The following MAOB variants were observed in gnomAD, a reference collection of about 807,000 sequenced individuals.
The protein encoded by MAOB is monoamine oxidase B.
A neutral mutation model predicts 41.9 loss-of-function variants in MAOB; 15 were observed. That is an observed-to-expected ratio of 0.36 (90% CI 0.24 to 0.55). MAOB has a LOEUF of 0.55. Ranked by LOEUF, MAOB falls within the 20% of genes least tolerant of loss-of-function variation. MAOB has a pLI of 0.86. For missense variants in MAOB, 345 were observed against 398.7 expected (o/e 0.87, Z 1.15); for synonymous variants, 167 against 144.2 (o/e 1.16, Z -1.13).
intron 7 of MAOB, among the ~76,000 whole-genome samples, chrX:43,794,673 A>T (rs56847252): frequency 0.029 from 3,187 of 110,136 alleles, 141 homozygotes; most frequent in African/African-American, 0.099. Flanking sequence ...TACCTTTATA[A>T]GTTTTTATAA....
At chrX:43,830,837 G>A (rs946777653) in intron 3 of MAOB, among the ~76,000 whole-genome samples, 6 of 111,906 alleles carry the variant, frequency 5.4e-5, no homozygotes, top group Admixed American at 4.7e-4. Flanking sequence ...CAGCAGCCTC[G>A]TGACAATGAT....
chrX:43,852,890 C>T (rs1460667537), intron 1 of MAOB, among the ~76,000 whole-genome samples: 1 of 111,276 alleles, frequency 9.0e-6, no homozygotes, highest in East Asian at 2.8e-4. Context: ...TAGAAAAGAA[C>T]AAAGCCTAAC....
intron 12 of MAOB, among the ~76,000 whole-genome samples, chrX:43,772,338 A>C (rs963709347): frequency 1.8e-5 from 2 of 111,666 alleles, no homozygotes; most frequent in African/African-American, 6.5e-5. Context: ...TATCACCACC[A>C]ATGCCAGATA....
chrX:43,793,939 G>A (rs374431555), intron 7 of MAOB, among the ~76,000 whole-genome samples: 2 of 111,598 alleles, frequency 1.8e-5, no homozygotes, highest in Non-Finnish European at 3.8e-5. Flanking sequence ...GCAGTGGTGC[G>A]ATCTTGGCTC....
intron 1 of MAOB, among the ~76,000 whole-genome samples, chrX:43,849,490 C>G (rs2035234088): frequency 1.8e-5 from 2 of 112,655 alleles, no homozygotes; most frequent in South Asian, 7.3e-4. Context: ...GGCACACACT[C>G]CTGGCTAGTA....
chrX:43,782,726 G>A (rs1447738514), intron 8 of MAOB, among the ~76,000 whole-genome samples: 3 of 111,680 alleles, frequency 2.7e-5, no homozygotes, highest in Admixed American at 9.5e-5. Flanking sequence ...GATGAACATC[G>A]ATGCAAAAAT....
chrX:43,839,696 A>G (rs945998235), intron 2 of MAOB, among the ~76,000 whole-genome samples: 5 of 111,876 alleles, frequency 4.5e-5, no homozygotes, highest in East Asian at 5.6e-4. Context: ...CAAAAATGCA[A>G]TTTTCACAAG....
Position 43,767,368 on chromosome X carries a change from ACACTAT to A in MAOB, c.*92_*97del. ...ATCTTCATGCTCCCCGCCTCACTCC[ACACTAT>A]TTGTCTTCATGGAACTTTACTGCAA... On this transcript the variant is annotated 3_prime_UTR_variant, in exon 15 of 15. Transcript: ENST00000378069. 1.2e-6 allele frequency: 1 copy of A among 866,870 alleles called. No homozygotes were observed. Among genetic ancestry groups the A allele is most frequent in the Admixed American group, 3.1e-5 (1 of 32,550 alleles). The allele number at this position is 866,870 out of a possible 1,213,427, so 71.4% of individuals were successfully genotyped here. A position where few individuals can be genotyped will look rare whatever the true frequency, so the allele number is the denominator to read the frequency against.
Position 43,768,688 on chromosome X carries a change from T to C in MAOB, c.1376A>G (p.Glu459Gly). 5 of 1,209,813 alleles carry C rather than the reference T, an allele frequency of 4.1e-6. No homozygotes were observed. Among genetic ancestry groups the C allele is most frequent in the Non-Finnish European group, 5.6e-6 (5 of 893,733 alleles). Residue 459 changes from glutamate (E) to glycine (G), a missense_variant, in exon 14 of 15, where the codon GAG becomes GGG. Transcript: ENST00000378069. ...EILHAMGKIPEDEIWQSEPES... is the reference protein window; with the variant it reads ...EILHAMGKIPGDEIWQSEPES... Reference sequence around the variant, plus strand: ...TGGTTCTGACTGCCAGATTTCATCCTCTGGAATCTTCCCCATGGCATGCAG... The same window carrying C: ...TGGTTCTGACTGCCAGATTTCATCCCCTGGAATCTTCCCCATGGCATGCAG...
At chrX:43,829,272 TCTTTA>T (rs1303530791) in intron 3 of MAOB, among the ~76,000 whole-genome samples, 1 of 112,476 alleles carries the variant, frequency 8.9e-6, no homozygotes, top group East Asian at 2.8e-4. Flanking sequence ...TCTCTACAAC[TCTTTA>T]CTTGTTGGAC....
At chrX:43,831,898 T>C (rs2035023307) in intron 3 of MAOB, among the ~76,000 whole-genome samples, 1 of 111,992 alleles carries the variant, frequency 8.9e-6, no homozygotes, top group African/African-American at 3.2e-5. Flanking sequence ...TTTCTCACCT[T>C]CTCTACATTC....
chrX:43,806,782 C>T (rs959242785), intron 3 of MAOB, among the ~76,000 whole-genome samples: 9 of 112,029 alleles, frequency 8.0e-5, no homozygotes, highest in Non-Finnish European at 1.5e-4. Context: ...TTATTTATAA[C>T]AGTGGACATA....
intron 3 of MAOB, among the ~76,000 whole-genome samples, chrX:43,829,979 C>A (rs1362425094): frequency 9.0e-6 from 1 of 111,329 alleles, no homozygotes; most frequent in African/African-American, 3.3e-5. Flanking sequence ...AAGCTTAGTA[C>A]AAAAGAAGAA....
At chrX:43,867,017 C>T (rs184021394) in intron 1 of MAOB, among the ~76,000 whole-genome samples, 1 of 112,751 alleles carries the variant, frequency 8.9e-6, no homozygotes, top group East Asian at 2.8e-4. Flanking sequence ...TAGCCCCACC[C>T]GCACTGCTCA....
chrX:43,811,769 A>G (rs1265381198), intron 3 of MAOB, among the ~76,000 whole-genome samples: 1 of 111,569 alleles, frequency 9.0e-6, no homozygotes, highest in Non-Finnish European at 1.9e-5. Flanking sequence ...ACAGGCATGC[A>G]ATGTGTAATA....
At chrX:43,770,013 T>A (rs1321049419) in intron 12 of MAOB, among the ~76,000 whole-genome samples, 1 of 111,087 alleles carries the variant, frequency 9.0e-6, no homozygotes, top group East Asian at 2.8e-4. Context: ...AATATGGAGG[T>A]AGACTGTGGT....
chrX:43,800,073 C>T (rs1038851920), intron 5 of MAOB, among the ~76,000 whole-genome samples: 1 of 111,450 alleles, frequency 9.0e-6, no homozygotes, highest in Non-Finnish European at 1.9e-5. Flanking sequence ...GGAAATAATA[C>T]TGTGTGTATC....
At chrX:43,784,607 G>A (rs2034376344) in intron 8 of MAOB, among the ~76,000 whole-genome samples, 1 of 112,132 alleles carries the variant, frequency 8.9e-6, no homozygotes, top group South Asian at 3.7e-4. Flanking sequence ...AGACTTTGTT[G>A]CTGTTTGATA....
At chrX:43,815,253 C>T (rs1426622416) in intron 3 of MAOB, among the ~76,000 whole-genome samples, 2 of 111,922 alleles carry the variant, frequency 1.8e-5, no homozygotes, top group Non-Finnish European at 3.8e-5. Context: ...TTTGTAAACA[C>T]ATAAGTGTTT....
Sources: allele counts gnomAD v4.1 joint callset (sites outside exome capture counted in the v4.1 genomes callset), GRCh38; gene constraint gnomAD v4.1.1; transcripts MANE v1.5; gene names NCBI Gene and HGNC (gene_info 2026-07-23, HGNC 2026-07-21).